TP63: variants seen among roughly 807,000 people sequenced by gnomAD.
The protein encoded by TP63 is tumor protein 63.
Under a neutral mutation model 82.8 loss-of-function variants are expected in TP63, and 17 were observed. The ratio of observed to expected loss-of-function variants is 0.21; its 90% CI spans 0.14 to 0.31. TP63 has a LOEUF of 0.31. Ranked by LOEUF, TP63 falls within the 10% of genes least tolerant of loss-of-function variation. The probability of loss-of-function intolerance (pLI) is 1.00; values close to 1 mark genes in which losing one functional copy is unlikely to be tolerated. For synonymous variants in TP63, 330 were observed against 321.7 expected (o/e 1.03, Z -0.28); for missense variants, 648 against 895.3 (o/e 0.72, Z 3.52).
intron 1 of TP63, among the ~76,000 whole-genome samples, chr3:189,679,162 T>A (rs1715699711): frequency 6.6e-6 from 1 of 152,074 alleles, no homozygotes; most frequent in African/African-American, 2.4e-5. Context: ...AAAAGTAGGA[T>A]TACTGGACCA....
chr3:189,792,814 G>A (rs897278011), intron 3 of TP63, among the ~76,000 whole-genome samples: 1 of 152,034 alleles, frequency 6.6e-6, no homozygotes, highest in Non-Finnish European at 1.5e-5. Flanking sequence ...AAGAAAAAAA[G>A]TGTGGAGACA....
chr3:189,768,510 A>C (rs902105315), intron 3 of TP63, among the ~76,000 whole-genome samples: 1 of 152,154 alleles, frequency 6.6e-6, no homozygotes, highest in Non-Finnish European at 1.5e-5. Context: ...CCAGATAATC[A>C]TTACTCAAAC....
At chr3:189,852,763 C>T (rs115490622) in intron 4 of TP63, among the ~76,000 whole-genome samples, 1,884 of 152,244 alleles carry the variant, frequency 0.012, 35 homozygotes, top group African/African-American at 0.044. Context: ...TAGTAGTTAA[C>T]GGTATCTTGT....
chr3:189,878,111 T>A (rs1390600111), intron 10 of TP63, among the ~76,000 whole-genome samples: 1 of 152,124 alleles, frequency 6.6e-6, no homozygotes, highest in Non-Finnish European at 1.5e-5. Context: ...ATGGTTATCA[T>A]CAAGAATATT....
At chr3:189,681,099 A>G (rs79463439) in intron 1 of TP63, among the ~76,000 whole-genome samples, 2,567 of 152,274 alleles carry the variant, frequency 0.017, 76 homozygotes, top group African/African-American at 0.056. Context: ...ATGTCCTTCC[A>G]GTTCTGCTAA....
chr3:189,668,506 C>A (rs1169870412), intron 1 of TP63, among the ~76,000 whole-genome samples: 1 of 151,958 alleles, frequency 6.6e-6, no homozygotes, highest in East Asian at 1.9e-4. Flanking sequence ...AATCTTAAAT[C>A]CATATGAGCT....
In TP63 at chr3:189,738,685, G is replaced by A. The variant is rs1484040098; in HGVS notation, c.235G>A (p.Glu79Lys). ...VQPIDLNFVD[E>K]PSEDGATNKI... ...GCCCATTGACTTGAACTTTGTGGAT[G>A]AACCATCAGAAGATGGTGCGACAAA... The change falls in exon 3 of 14, where the codon GAA becomes AAA. Residue 79 changes from glutamate (E) to lysine (K), a missense_variant. By Grantham distance (56) the Glu-to-Lys change is moderately conservative. Around this residue, in one of 5 missense-constraint regions of TP63, gnomAD observed 182 missense variants for 213.6 expected, o/e 0.85. Coordinates refer to ENST00000264731, the MANE Select transcript of TP63 (RefSeq NM_003722.5). 6.2e-7 allele frequency: 1 copy of A among 1,614,114 alleles called. No homozygotes were observed. The highest frequency in any genetic ancestry group is 8.5e-7 in the Non-Finnish European group (1 of 1,180,006).
At chr3:189,641,961 A>G (rs1400651561) in intron 1 of TP63, among the ~76,000 whole-genome samples, 1 of 152,160 alleles carries the variant, frequency 6.6e-6, no homozygotes, top group Non-Finnish European at 1.5e-5. Context: ...TGTTTGTACT[A>G]TCATTCTCAC....
the TP63 span, among the ~76,000 whole-genome samples, chr3:189,599,170 C>T: frequency 2.6e-4 from 39 of 152,254 alleles, no homozygotes; most frequent in African/African-American, 8.7e-4. Flanking sequence ...TTAATTCAAA[C>T]TTTACGTTTA....
At chr3:189,655,935 C>T (rs576125066) in intron 1 of TP63, among the ~76,000 whole-genome samples, 153 of 152,246 alleles carry the variant, frequency 1.0e-3, no homozygotes, top group African/African-American at 3.1e-3. Context: ...CACAAATGAC[C>T]TATTATCCAT....
At chr3:189,695,190 A>G (rs1717278152) in intron 1 of TP63, among the ~76,000 whole-genome samples, 1 of 152,076 alleles carries the variant, frequency 6.6e-6, no homozygotes, top group African/African-American at 2.4e-5. Context: ...ATATTTATTT[A>G]TATCATTATA....
chr3:189,696,872 C>T (rs1020815598), intron 1 of TP63, among the ~76,000 whole-genome samples: 3 of 152,032 alleles, frequency 2.0e-5, no homozygotes, highest in African/African-American at 7.2e-5. Context: ...ATCTTTTGCC[C>T]ATTTTAAAAT....
intron 1 of TP63, among the ~76,000 whole-genome samples, chr3:189,637,887 A>G (rs529014792): frequency 1.3e-5 from 2 of 152,290 alleles, no homozygotes; most frequent in East Asian, 1.9e-4. Flanking sequence ...TATGGGCACC[A>G]TGTAATCACA....
At chr3:189,668,202 T>C (rs1714574515) in intron 1 of TP63, among the ~76,000 whole-genome samples, 2 of 152,006 alleles carry the variant, frequency 1.3e-5, no homozygotes, top group African/African-American at 4.8e-5. Context: ...AGCTACTTAT[T>C]TGAACAAAAA....
chr3:189,653,599 A>C (rs544595638), intron 1 of TP63, among the ~76,000 whole-genome samples: 1 of 152,348 alleles, frequency 6.6e-6, no homozygotes, highest in Admixed American at 6.5e-5. Flanking sequence ...AAACAAGTGC[A>C]GTCTCTTTTC....
intron 1 of TP63, among the ~76,000 whole-genome samples, chr3:189,637,847 T>C (rs1711504893): frequency 1.3e-5 from 2 of 152,124 alleles, no homozygotes. Context: ...CAACTGACTT[T>C]AAAGTAGGTG....
chr3:189,702,570 G>A (rs1053459464), intron 1 of TP63, among the ~76,000 whole-genome samples: 1 of 152,220 alleles, frequency 6.6e-6, no homozygotes, highest in Non-Finnish European at 1.5e-5. Context: ...AAGGAAACCA[G>A]CCTGGGCCCT....
At chr3:189,677,405 TATAC>T (rs1251304688) in intron 1 of TP63, among the ~76,000 whole-genome samples, 16 of 119,134 alleles carry the variant, frequency 1.3e-4, no homozygotes, top group East Asian at 4.2e-4. Context: ...TGTGTATATA[TATAC>T]ATATATACAC....
intron 1 of TP63, among the ~76,000 whole-genome samples, chr3:189,732,802 TGA>T (rs57926122): frequency 6.6e-6 from 1 of 152,080 alleles, no homozygotes; most frequent in African/African-American, 2.4e-5. Flanking sequence ...AATACAGAGC[TGA>T]GAGAGAGATG....
Sources: gnomAD v4.1 joint callset for allele counts (sites outside exome capture counted in the v4.1 genomes callset) on GRCh38, gnomAD v4.1.1 for gene constraint, gnomAD v4.1.1 regional missense constraint, MANE v1.5 for transcripts, NCBI Gene and HGNC (gene_info 2026-07-23, HGNC 2026-07-21) for gene names.